Variants in NHSL2 observed in about 807,000 individuals in gnomAD.
NHSL2 encodes NHS like 2, also known as NHS-like protein 2.
In NHSL2, 27 loss-of-function variants were observed where a neutral mutation model predicts 53.4. That is an observed-to-expected ratio of 0.51 (90% CI 0.37 to 0.70). The LOEUF (loss-of-function observed/expected upper bound fraction) is 0.70. NHSL2 is among the 30% of genes least tolerant of loss of function. The pLI is 0.00. For synonymous variants in NHSL2, 408 were observed against 404.1 expected (o/e 1.01, Z -0.12); for missense variants, 892 against 980.1 (o/e 0.91, Z 1.20).
intron 1 of NHSL2, among the ~76,000 whole-genome samples, chrX:72,022,251 T>C (rs1331570879): frequency 8.9e-6 from 1 of 112,056 alleles, no homozygotes; most frequent in African/African-American, 3.3e-5. Context: ...CCAATAAATA[T>C]TATTATACTA....
chrX:72,125,872 G>A (rs1253281061), intron 1 of NHSL2, among the ~76,000 whole-genome samples: 6 of 112,381 alleles, frequency 5.3e-5, no homozygotes, highest in African/African-American at 1.6e-4. Context: ...CACCTGATGC[G>A]TGCTTCGTTG....
At chrX:72,127,054 AC>A (rs1192750389) in intron 1 of NHSL2, 7 of 111,446 alleles carry the variant, frequency 6.3e-5, no homozygotes, top group Non-Finnish European at 1.1e-4. Flanking sequence ...CCTTGGAAGT[AC>A]CCTATGCCTA....
Position 72,005,766 on chromosome X carries a change from T to G in NHSL2, c.280+94399T>G, listed in dbSNP as rs141423519. 5.2e-3 allele frequency among the ~76,000 whole-genome samples: 583 copies of G among 112,055 alleles called. 5 individuals are homozygous for G. The highest frequency in any genetic ancestry group is 0.018 in the African/African-American group (553 of 30,800). Reference sequence around the variant, plus strand: ...CTGGATTAGGCCCAGAAGCCCATAATGTAGCTGAGTTACATGGTTCTACCA... The same window carrying G: ...CTGGATTAGGCCCAGAAGCCCATAAGGTAGCTGAGTTACATGGTTCTACCA... On this transcript the variant is annotated intron_variant, in intron 1 of 7. Coordinates refer to ENST00000633930, the MANE Select transcript of NHSL2 (RefSeq NM_001013627.3).
At chrX:72,043,121 A>G (rs1056645340) in intron 1 of NHSL2, among the ~76,000 whole-genome samples, 3 of 111,250 alleles carry the variant, frequency 2.7e-5, no homozygotes, top group South Asian at 3.8e-4. Context: ...CACAGCTGCA[A>G]TGCGCTGTTT....
chrX:71,991,888 T>G (rs988682601), intron 1 of NHSL2, among the ~76,000 whole-genome samples: 2 of 111,059 alleles, frequency 1.8e-5, no homozygotes, highest in Non-Finnish European at 3.8e-5. Context: ...GCACTAAGAC[T>G]CCATAGAGAT....
intron 1 of NHSL2, among the ~76,000 whole-genome samples, chrX:71,922,805 C>T (rs2041666471): frequency 8.9e-6 from 1 of 112,270 alleles, no homozygotes; most frequent in Admixed American, 9.4e-5. Context: ...AGGAAACTTA[C>T]CCATTAAGAG....
intron 1 of NHSL2, among the ~76,000 whole-genome samples, chrX:71,958,292 A>G (rs1342729356): frequency 3.6e-5 from 4 of 111,931 alleles, no homozygotes; most frequent in Non-Finnish European, 7.5e-5. Context: ...AAATGGACTT[A>G]GCTGGGCTGC....
At chrX:71,930,126 G>A (rs1368702766) in intron 1 of NHSL2, among the ~76,000 whole-genome samples, 1 of 111,772 alleles carries the variant, frequency 8.9e-6, no homozygotes, top group Non-Finnish European at 1.9e-5. Flanking sequence ...GGGTGGCCAT[G>A]TGGCTTGAAC....
At chrX:71,987,003 TC>T (rs2042005629) in intron 1 of NHSL2, among the ~76,000 whole-genome samples, 1 of 112,013 alleles carries the variant, frequency 8.9e-6, no homozygotes, top group Non-Finnish European at 1.9e-5. Flanking sequence ...CTTTTTATAA[TC>T]TTTTACCAAA....
chrX:72,130,049 G>A (rs776641896), intron 1 of NHSL2: 1 of 1,211,249 alleles, frequency 8.3e-7, no homozygotes. Context: ...ATTATGGGAG[G>A]TGATGCACCC....
intron 1 of NHSL2, among the ~76,000 whole-genome samples, chrX:72,086,577 G>A (rs1240316688): frequency 7.4e-5 from 8 of 108,201 alleles, no homozygotes; most frequent in East Asian, 2.9e-4. Flanking sequence ...CCAGCTACTC[G>A]GGAGGCTGAG....
chrX:71,911,299 G>T lies in NHSL2; in HGVS notation c.212G>T (p.Arg71Leu), dbSNP rs2041600477. The T allele has an allele frequency of 1.8e-6, 2 of 1,131,102 alleles. No individual in the cohort carries two copies. Among genetic ancestry groups the T allele is most frequent in the Admixed American group, 2.7e-5 (1 of 37,322 alleles). The allele number at this position is 1,131,102 out of a possible 1,213,427, so 93.2% of individuals were successfully genotyped here. Residue 71 changes from arginine to leucine, a missense_variant, in exon 1 of 8, where the codon CGC becomes CTC. Arg to Leu is a moderately radical substitution (Grantham distance 102). Coordinates refer to ENST00000633930, the MANE Select transcript of NHSL2 (RefSeq NM_001013627.3). The stretch of plus-strand genomic sequence containing the variant: ...CGCCGCACAGACAGCCTGTACCGGC[G>T]CACCGTGCGCCTCCGCCGCCGCCTT... Reference protein sequence around the residue: ...LGRRTDSLYRRTVRLRRRLPC... With the variant: ...LGRRTDSLYRLTVRLRRRLPC...
At chrX:72,114,121 A>T (rs186873305) in intron 1 of NHSL2, among the ~76,000 whole-genome samples, 118 of 112,394 alleles carry the variant, frequency 1.0e-3, no homozygotes, top group Non-Finnish European at 9.6e-4. Context: ...GGAAAGATAT[A>T]CCCAAGGTAT....
intron 1 of NHSL2, among the ~76,000 whole-genome samples, chrX:72,097,398 T>C (rs1051125140): frequency 1.8e-5 from 2 of 112,139 alleles, no homozygotes; most frequent in Non-Finnish European, 3.8e-5. Flanking sequence ...TTCCTGCTAC[T>C]GATTGCACTG....
At chrX:71,945,124 T>TG (rs201374936) in intron 1 of NHSL2, among the ~76,000 whole-genome samples, 5,911 of 111,771 alleles carry the variant, frequency 0.053, 202 homozygotes, top group East Asian at 0.28. Flanking sequence ...CTGAGGCAGT[T>TG]GGGGGGGTCA....
At chrX:72,052,700 C>T (rs1452178441) in intron 1 of NHSL2, among the ~76,000 whole-genome samples, 1 of 111,742 alleles carries the variant, frequency 8.9e-6, no homozygotes, top group African/African-American at 3.3e-5. Flanking sequence ...GGCTGACCAC[C>T]CTGGTGGTTT....
At chrX:72,114,044 G>T (rs922385033) in intron 1 of NHSL2, among the ~76,000 whole-genome samples, 5 of 112,194 alleles carry the variant, frequency 4.5e-5, no homozygotes, top group African/African-American at 1.6e-4. Context: ...ACGAGAGAGA[G>T]TTGAAGTAAA....
At chrX:71,941,903 T>A (rs772391794) in intron 1 of NHSL2, among the ~76,000 whole-genome samples, 1 of 111,613 alleles carries the variant, frequency 9.0e-6, no homozygotes, top group Admixed American at 9.5e-5. Flanking sequence ...GAGTACTGAG[T>A]CTGCCATGAG....
chrX:72,001,127 C>G (rs767982089), intron 1 of NHSL2, among the ~76,000 whole-genome samples: 2 of 112,363 alleles, frequency 1.8e-5, no homozygotes, highest in Non-Finnish European at 3.8e-5. Flanking sequence ...GTCAGACAGC[C>G]TTGTAGGGGA....
Sources: gnomAD v4.1 joint callset for allele counts (sites outside exome capture counted in the v4.1 genomes callset) on GRCh38, gnomAD v4.1.1 for gene constraint, MANE v1.5 for transcripts, NCBI Gene and HGNC (gene_info 2026-07-23, HGNC 2026-07-21) for gene names.